CLVS1: variants seen among roughly 807,000 people sequenced by gnomAD.
CLVS1 encodes the protein clavesin 1.
In CLVS1, 10 loss-of-function variants were observed where a neutral mutation model predicts 33.1. The ratio of observed to expected loss-of-function variants is 0.30; its 90% CI spans 0.19 to 0.51. The LOEUF is 0.51. Among genes scored for constraint, CLVS1 ranks in the 20% least tolerant of loss-of-function variants. The pLI is 0.97. For synonymous variants in CLVS1, 163 were observed against 166.1 expected (o/e 0.98, Z 0.14); for missense variants, 343 against 433.4 (o/e 0.79, Z 1.85).
chr8:61,128,371 A>G (rs761737604), intron 1 of CLVS1, among the ~76,000 whole-genome samples: 3 of 152,228 alleles, frequency 2.0e-5, no homozygotes, highest in Non-Finnish European at 4.4e-5. Context: ...AGACTCTTTG[A>G]CAGTCAGAAC....
chr8:61,117,411 G>C (rs995795385), intron 1 of CLVS1, among the ~76,000 whole-genome samples: 2 of 151,876 alleles, frequency 1.3e-5, no homozygotes, highest in African/African-American at 4.8e-5. Flanking sequence ...ACACTATGTT[G>C]AATAGGAGTG....
intron 1 of CLVS1, among the ~76,000 whole-genome samples, chr8:61,109,383 C>T (rs373682213): frequency 6.6e-6 from 1 of 152,098 alleles, no homozygotes; most frequent in Admixed American, 6.5e-5. Flanking sequence ...CCAGCACACC[C>T]GGTTAAATCA....
chr8:60,988,295 C>T, the CLVS1 span, among the ~76,000 whole-genome samples: 4 of 152,266 alleles, frequency 2.6e-5, no homozygotes, highest in African/African-American at 9.6e-5. Flanking sequence ...CCCAGATGAC[C>T]TCTCCTCAAT....
At chr8:61,499,338 G>GTTAA (rs1168117462) in intron 5 of CLVS1, 117 bp from the exon 6 acceptor site, 7 of 668,942 alleles carry the variant, frequency 1.0e-5, no homozygotes, top group Middle Eastern at 2.5e-4. Context: ...ACTGCACCCA[G>GTTAA]TTAATTTTTG....
At chr8:61,130,065 C>A (rs1806058385) in intron 1 of CLVS1, among the ~76,000 whole-genome samples, 2 of 151,724 alleles carry the variant, frequency 1.3e-5, no homozygotes, top group South Asian at 4.2e-4. Flanking sequence ...TGGTGAAACC[C>A]CATCTCTACT....
chr8:61,419,165 G>A (rs1391105391), intron 3 of CLVS1, among the ~76,000 whole-genome samples: 2 of 152,132 alleles, frequency 1.3e-5, no homozygotes, highest in African/African-American at 4.8e-5. Flanking sequence ...GTAGGAAGCC[G>A]AGGCGAATGG....
At chr8:61,072,987 G>A (rs1481103024) in intron 1 of CLVS1, among the ~76,000 whole-genome samples, 1 of 152,070 alleles carries the variant, frequency 6.6e-6, no homozygotes, top group African/African-American at 2.4e-5. Context: ...TATATTACCA[G>A]TAGTTTTAAC....
Position 61,160,217 on chromosome 8 carries a change from A to G in CLVS1, c.-152+28357A>G, listed in dbSNP as rs115154131. The stretch of plus-strand genomic sequence containing the variant: ...ACCTTAAATTTTTACATACATATTG[A>G]TAGTAGAAATTAATTGTACAATCTT... On this transcript the variant is annotated intron_variant, in intron 2 of 2. Coordinates refer to the CLVS1 transcript ENST00000522621. Among the ~76,000 whole-genome samples the G allele has an allele frequency of 6.0e-3, 921 of 152,334 alleles. 12 individuals carry two copies. The highest frequency in any genetic ancestry group is 0.021 in the African/African-American group (857 of 41,584).
intron 1 of CLVS1, chr8:61,291,931 G>C (rs544662272): frequency 2.2e-5 from 4 of 180,890 alleles, no homozygotes; most frequent in Admixed American, 2.2e-4. Context: ...AACCCCTCTG[G>C]GTCGTTATAA....
chr8:61,399,715 G>A (rs369999782), intron 3 of CLVS1, among the ~76,000 whole-genome samples: 38 of 152,196 alleles, frequency 2.5e-4, no homozygotes, highest in African/African-American at 8.4e-4. Context: ...TTTTGTATAT[G>A]GTGTAAGGAA....
chr8:61,011,223 G>A, the CLVS1 span, among the ~76,000 whole-genome samples: 6 of 152,274 alleles, frequency 3.9e-5, no homozygotes, highest in African/African-American at 1.4e-4. Context: ...CTATGATTGT[G>A]CCACTGAGTT....
chr8:61,227,336 G>A (rs1470142632), intron 2 of CLVS1, among the ~76,000 whole-genome samples: 5 of 147,414 alleles, frequency 3.4e-5, no homozygotes, highest in African/African-American at 1.0e-4. Context: ...TAATATTTCT[G>A]ATCAGGTACA....
intron 2 of CLVS1, among the ~76,000 whole-genome samples, chr8:61,222,132 G>C (rs1276794037): frequency 6.6e-6 from 1 of 151,984 alleles, no homozygotes; most frequent in Non-Finnish European, 1.5e-5. Flanking sequence ...TTAAAAACCA[G>C]CTCCTGGTTC....
At chr8:61,285,764 A>C (rs1809764085), upstream of CLVS1, among the ~76,000 whole-genome samples, 1 of 152,168 alleles carries the variant, frequency 6.6e-6, no homozygotes, top group Non-Finnish European at 1.5e-5. Flanking sequence ...TCCAGGAATA[A>C]TGGGCTTAAT....
At chr8:61,375,366 TC>T (rs1813602696) in intron 2 of CLVS1, among the ~76,000 whole-genome samples, 1 of 151,574 alleles carries the variant, frequency 6.6e-6, no homozygotes, top group African/African-American at 2.4e-5. Context: ...TTCTCCTGCC[TC>T]AGCCTCCCAA....
chr8:61,139,988 C>T (rs1041939340), intron 2 of CLVS1, among the ~76,000 whole-genome samples: 1 of 152,142 alleles, frequency 6.6e-6, no homozygotes, highest in African/African-American at 2.4e-5. Context: ...TCTGAACTGG[C>T]CCTCAGCGGA....
At chr8:61,248,644 TTA>T (rs113770223) in intron 2 of CLVS1, among the ~76,000 whole-genome samples, 35,656 of 148,864 alleles carry the variant, frequency 0.24, 7,364 homozygotes, top group East Asian at 0.83. Context: ...ACCAAGTCAT[TTA>T]TATATATATA....
intron 1 of CLVS1, among the ~76,000 whole-genome samples, chr8:61,123,271 A>G (rs1262226314): frequency 1.4e-5 from 2 of 146,868 alleles, no homozygotes; most frequent in African/African-American, 5.1e-5. Context: ...CTCTGTCTCA[A>G]AATAATAATA....
chr8:61,458,571 C>A (rs552307897), intron 5 of CLVS1, 29 bp downstream of exon 5: 85 of 1,461,716 alleles, frequency 5.8e-5, no homozygotes, highest in Middle Eastern at 1.8e-4. Context: ...GAGCCCCCCC[C>A]CCAGTCAGAG....
Sources: allele counts gnomAD v4.1 joint callset (sites outside exome capture counted in the v4.1 genomes callset), GRCh38; gene constraint gnomAD v4.1.1; transcripts MANE v1.5; gene names NCBI Gene and HGNC (gene_info 2026-07-23, HGNC 2026-07-21).